Variants in CERT1 observed in about 807,000 individuals in gnomAD.
The protein encoded by CERT1 is ceramide transfer protein.
A neutral mutation model predicts 87.9 loss-of-function variants in CERT1; 31 were observed. The ratio of observed to expected loss-of-function variants is 0.35; its 90% CI spans 0.27 to 0.48. CERT1 has a LOEUF of 0.48. Among genes scored for constraint, CERT1 ranks in the 20% least tolerant of loss-of-function variants. CERT1 has a pLI of 0.99. For missense variants in CERT1, 487 were observed against 758.0 expected, an observed-to-expected ratio of 0.64 and a Z score of 4.20; for synonymous variants, 289 against 250.9, an observed-to-expected ratio of 1.15 and a Z score of -1.44.
At chr5:75,429,190 TAATA>T (rs1409870941) in intron 3 of CERT1, among the ~76,000 whole-genome samples, 22 of 147,030 alleles carry the variant, frequency 1.5e-4, no homozygotes, top group Non-Finnish European at 6.0e-5. Context: ...ATAATAATAA[TAATA>T]ATAATTATTA....
chr5:75,421,437 A>C (rs1433753649), intron 5 of CERT1, among the ~76,000 whole-genome samples: 1 of 152,202 alleles, frequency 6.6e-6, no homozygotes, highest in Non-Finnish European at 1.5e-5. Flanking sequence ...ACTATTATCT[A>C]TTAATACCCT....
rs759295755 is a variant in CERT1 at position 75,381,148 on chromosome 5, G to C, written c.1671C>G (p.Thr557=). 1 of 1,614,112 alleles carries C rather than the reference G, an allele frequency of 6.2e-7. No homozygotes were observed. Among genetic ancestry groups the C allele is most frequent in the Admixed American group, 1.7e-5 (1 of 60,012 alleles). Residue 557 remains threonine, a synonymous_variant, in exon 16 of 17, where the codon ACC becomes ACG. Coordinates refer to ENST00000643780, the MANE Select transcript of CERT1 (RefSeq NM_001379029.1). ...AKINVAMICQ[T]LVSPPEGNQE... is the part of the protein sequence containing the mutation. ...GGTTTCCCTCTGGTGGGCTTACCAA[G>C]GTTTGACAAATCATAGCAACATTTA...
At chr5:75,400,328 G>A in intron 9 of CERT1, 31 bp from the exon 10 acceptor site, 1 of 1,484,904 alleles carries the variant, frequency 6.7e-7, no homozygotes, top group Non-Finnish European at 9.3e-7. Flanking sequence ...AAGATGGGAA[G>A]GTTTTAAAGT....
At chr5:75,460,376 G>T (rs1273312130) in intron 2 of CERT1, among the ~76,000 whole-genome samples, 1 of 152,016 alleles carries the variant, frequency 6.6e-6, no homozygotes, top group Non-Finnish European at 1.5e-5. Context: ...AAAATAAAAT[G>T]AATATTACAT....
intron 2 of CERT1, among the ~76,000 whole-genome samples, chr5:75,470,589 CA>C (rs1561285987): frequency 2.0e-5 from 3 of 152,104 alleles, no homozygotes; most frequent in African/African-American, 7.2e-5. Context: ...AAACACTCAA[CA>C]AATTAGTTAT....
intron 3 of CERT1, among the ~76,000 whole-genome samples, chr5:75,451,942 C>CACTT (rs1764785120): frequency 6.6e-6 from 1 of 152,188 alleles, no homozygotes; most frequent in South Asian, 2.1e-4. Flanking sequence ...TCTTGAGCTT[C>CACTT]ACTTAGATGG....
chr5:75,494,733 A>G (rs1161059509), intron 2 of CERT1, among the ~76,000 whole-genome samples: 1 of 152,110 alleles, frequency 6.6e-6, no homozygotes, highest in Admixed American at 6.5e-5. Flanking sequence ...GGTTTCTCAG[A>G]TTTACTAACT....
intron 5 of CERT1, among the ~76,000 whole-genome samples, chr5:75,424,674 T>C (rs547305270): frequency 6.6e-6 from 1 of 152,146 alleles, no homozygotes; most frequent in East Asian, 1.9e-4. Flanking sequence ...GATCAACTGG[T>C]TGATTTCAGA....
At chr5:75,447,808 T>C in intron 3 of CERT1, among the ~76,000 whole-genome samples, 1 of 151,912 alleles carries the variant, frequency 6.6e-6, no homozygotes, top group Non-Finnish European at 1.5e-5. Flanking sequence ...CAGGGTCTCA[T>C]TGTGTTACCC....
At chr5:75,393,157 C>T (rs368440176) in intron 11 of CERT1, among the ~76,000 whole-genome samples, 1 of 151,552 alleles carries the variant, frequency 6.6e-6, no homozygotes, top group East Asian at 1.9e-4. Flanking sequence ...GAAAAAGACT[C>T]AGTCAAAAAC....
intron 3 of CERT1, among the ~76,000 whole-genome samples, chr5:75,439,084 T>C (rs1764208308): frequency 2.0e-5 from 3 of 151,940 alleles, no homozygotes; most frequent in Non-Finnish European, 2.9e-5. Flanking sequence ...ATCCAATATA[T>C]ATATACCTTT....
intron 11 of CERT1, among the ~76,000 whole-genome samples, chr5:75,391,668 T>C (rs770691941): frequency 1.3e-5 from 2 of 152,214 alleles, no homozygotes; most frequent in Non-Finnish European, 2.9e-5. Flanking sequence ...AAAATGTATC[T>C]GATTTCCAAA....
upstream of CERT1, chr5:75,511,790 A>G (rs202137230): frequency 1.4e-5 from 22 of 1,551,290 alleles, no homozygotes; most frequent in Non-Finnish European, 1.7e-5. Context: ...ACGGGTAGAA[A>G]AGCAGGAGGA....
At chr5:75,421,839 T>C (rs984854237) in intron 5 of CERT1, among the ~76,000 whole-genome samples, 1 of 152,204 alleles carries the variant, frequency 6.6e-6, no homozygotes, top group Admixed American at 6.5e-5. Context: ...TCTACCTTCA[T>C]GCATTCTTTT....
At chr5:75,443,917 T>C (rs1415407804) in intron 3 of CERT1, among the ~76,000 whole-genome samples, 1 of 152,234 alleles carries the variant, frequency 6.6e-6, no homozygotes, top group African/African-American at 2.4e-5. Context: ...TAAAACCTTC[T>C]CTAACTTAAA....
intron 2 of CERT1, among the ~76,000 whole-genome samples, chr5:75,501,229 C>T (rs1415267737): frequency 3.3e-5 from 5 of 152,156 alleles, no homozygotes; most frequent in African/African-American, 4.8e-5. Flanking sequence ...TCCGCTCTTG[C>T]AGCAACCCCC....
intron 8 of CERT1, among the ~76,000 whole-genome samples, chr5:75,408,924 C>T (rs959663018): frequency 1.3e-5 from 2 of 151,494 alleles, no homozygotes; most frequent in African/African-American, 2.4e-5. Flanking sequence ...TGTCCTCTAC[C>T]CCTAGGAAAA....
In CERT1 at chr5:75,462,922, G is replaced by A. The variant is rs139171088; in HGVS notation, c.232-3741C>T. Among the ~76,000 whole-genome samples the A allele has an allele frequency of 3.6e-4, 53 of 147,240 alleles. 1 individual carries two copies. The Middle Eastern group carries it at 0.014, about 40-fold the overall frequency. On this transcript the variant is annotated intron_variant, in intron 2 of 16. Coordinates refer to ENST00000643780, the MANE Select transcript of CERT1 (RefSeq NM_001379029.1). ...CAGGAGAATCACTTGAACCCGGGAG[G>A]TAGAAGTTGCAGTGAACCAAGATGG...
At chr5:75,443,071 C>T (rs904122928) in intron 3 of CERT1, among the ~76,000 whole-genome samples, 3 of 152,094 alleles carry the variant, frequency 2.0e-5, no homozygotes, top group African/African-American at 2.4e-5. Context: ...AACATCCCTA[C>T]GTTAATTCCT....
Sources: allele counts gnomAD v4.1 joint callset (sites outside exome capture counted in the v4.1 genomes callset), GRCh38; gene constraint gnomAD v4.1.1; transcripts MANE v1.5; gene names NCBI Gene and HGNC (gene_info 2026-07-23, HGNC 2026-07-21).